The following SYK variants were observed in gnomAD, a reference collection of about 807,000 sequenced individuals.
SYK encodes the protein spleen associated tyrosine kinase, also known as tyrosine-protein kinase SYK.
Under a neutral mutation model 77.8 loss-of-function variants are expected in SYK, and 16 were observed. That is an observed-to-expected ratio of 0.21 (90% CI 0.14 to 0.31). SYK has a LOEUF of 0.31. Ranked by LOEUF, SYK falls within the 10% of genes least tolerant of loss-of-function variation. SYK has a pLI of 1.00. For synonymous variants in SYK, 312 were observed against 308.7 expected (o/e 1.01, Z -0.11); for missense variants, 529 against 814.4 (o/e 0.65, Z 4.26).
At chr9:90,861,143 G>T (rs555276302) in intron 3 of SYK, among the ~76,000 whole-genome samples, 1 of 152,124 alleles carries the variant, frequency 6.6e-6, no homozygotes, top group Non-Finnish European at 1.5e-5. Context: ...CACCCATTTC[G>T]TGCCTTTTCA....
chr9:90,844,394 A>C (rs2278275), intron 2 of SYK, 79 bp downstream of exon 2: 3 of 1,405,898 alleles, frequency 2.1e-6, no homozygotes, highest in Non-Finnish European at 2.8e-6. Context: ...CATGCAACAC[A>C]TGTGCCTATG....
At chr9:90,805,223 AC>A (rs1201333088) in intron 1 of SYK, among the ~76,000 whole-genome samples, 1 of 152,222 alleles carries the variant, frequency 6.6e-6, no homozygotes, top group Non-Finnish European at 1.5e-5. Context: ...GTTGATGATT[AC>A]TGGATTACTG....
intron 1 of SYK, among the ~76,000 whole-genome samples, chr9:90,823,657 CAAG>C (rs1314856256): frequency 1.1e-4 from 16 of 151,922 alleles, no homozygotes; most frequent in African/African-American, 3.9e-4. Context: ...CCTATGTTTC[CAAG>C]AAGAAGTCTC....
chr9:90,888,729 AG>A, intron 13 of SYK, 102 bp downstream of exon 13: 4 of 913,996 alleles, frequency 4.4e-6, no homozygotes, highest in Non-Finnish European at 6.3e-6. Context: ...TTCATGAATC[AG>A]GAATGTGCCC....
intron 10 of SYK, among the ~76,000 whole-genome samples, chr9:90,878,264 T>G (rs1300072520): frequency 6.6e-6 from 1 of 152,218 alleles, no homozygotes; most frequent in East Asian, 1.9e-4. Context: ...TGTGTTCTTC[T>G]CATCTAAAGC....
Position 90,874,774 on chromosome 9 carries a change from T to G in SYK, c.1106T>G (p.Leu369Arg), listed in dbSNP as rs1432606619. ...RPKEVYLDRK[L>R]LTLEDKELGS... ...AAGGAGGTTTACCTGGACCGAAAGC[T>G]GCTGACGCTGGAAGACAAAGAACTG... Residue 369 changes from leucine to arginine, a missense_variant, in exon 9 of 14, where the codon CTG (leucine) becomes CGG (arginine). Physicochemically the swap from Leu to Arg is moderately radical, Grantham distance 102. Transcript: ENST00000375754. 1.2e-6 allele frequency: 2 copies of G among 1,613,990 alleles called. No homozygotes were observed. Among genetic ancestry groups the G allele is most frequent in the Admixed American group, 3.3e-5 (2 of 59,996 alleles).
At chr9:90,840,517 G>A (rs1033803296) in intron 1 of SYK, among the ~76,000 whole-genome samples, 1 of 141,782 alleles carries the variant, frequency 7.1e-6, no homozygotes, top group Non-Finnish European at 1.5e-5. Flanking sequence ...AGGAGATCGC[G>A]ACCATCCTGG....
chr9:90,825,812 G>T (rs780690536), intron 1 of SYK, among the ~76,000 whole-genome samples: 1 of 152,222 alleles, frequency 6.6e-6, no homozygotes, highest in Non-Finnish European at 1.5e-5. Context: ...AGGCTGAGAC[G>T]TGAGATGGGA....
chr9:90,853,649 C>T (rs929540379), intron 3 of SYK, among the ~76,000 whole-genome samples: 6 of 152,066 alleles, frequency 3.9e-5, no homozygotes, highest in African/African-American at 1.4e-4. Flanking sequence ...CATGTTCTCA[C>T]TCATAGGTGG....
chr9:90,893,437 C>T (rs1162176824), intron 13 of SYK, among the ~76,000 whole-genome samples: 1 of 152,020 alleles, frequency 6.6e-6, no homozygotes, highest in Non-Finnish European at 1.5e-5. Context: ...TAAACAGCCA[C>T]TCTCTCCAAG....
At chr9:90,819,683 C>T (rs940659001) in intron 1 of SYK, among the ~76,000 whole-genome samples, 1 of 152,066 alleles carries the variant, frequency 6.6e-6, no homozygotes, top group Non-Finnish European at 1.5e-5. Flanking sequence ...CTGGGAGGTA[C>T]AATTCAAGTT....
chr9:90,847,777 A>C (rs1826653844), intron 3 of SYK, among the ~76,000 whole-genome samples: 1 of 152,212 alleles, frequency 6.6e-6, no homozygotes, highest in South Asian at 2.1e-4. Flanking sequence ...TTGAGGATTC[A>C]ATGAAAATAC....
At chr9:90,840,351 A>G (rs2118585201) in intron 1 of SYK, among the ~76,000 whole-genome samples, 1 of 152,154 alleles carries the variant, frequency 6.6e-6, no homozygotes, top group East Asian at 1.9e-4. Flanking sequence ...AGGGGAAACA[A>G]TGGAAATGAG....
chr9:90,884,022 A>G (rs1266061547), intron 11 of SYK, among the ~76,000 whole-genome samples: 1 of 152,024 alleles, frequency 6.6e-6, no homozygotes, highest in Non-Finnish European at 1.5e-5. Context: ...ACTAATAACC[A>G]TACCCTAAGG....
intron 13 of SYK, among the ~76,000 whole-genome samples, 179 bp downstream of exon 13, chr9:90,888,806 CT>C (rs1337078956): frequency 2.0e-5 from 3 of 152,216 alleles, no homozygotes; most frequent in Non-Finnish European, 4.4e-5. Context: ...GGCCCATGCA[CT>C]TACATGTAGT....
At chr9:90,859,695 T>C (rs1331572076) in intron 3 of SYK, among the ~76,000 whole-genome samples, 1 of 152,180 alleles carries the variant, frequency 6.6e-6, no homozygotes, top group Non-Finnish European at 1.5e-5. Flanking sequence ...GGTGAGCCCA[T>C]TTATGCTCCC....
intron 9 of SYK, among the ~76,000 whole-genome samples, chr9:90,876,296 AAAAAAAAAAAGAAAG>A (rs201631230): frequency 0.13 from 19,547 of 151,272 alleles, 1,405 homozygotes; most frequent in East Asian, 0.3. Flanking sequence ...TCAAAAAAAA[AAAAAAAAAAAGAAAG>A]AAAGAAAAAA....
At chr9:90,845,676 G>C (rs544341580) in intron 3 of SYK, 82 bp downstream of exon 3, 336 of 1,524,054 alleles carry the variant, frequency 2.2e-4, no homozygotes, top group Non-Finnish European at 2.7e-4. Flanking sequence ...CTTGTGACTG[G>C]CCCCACATGA....
At chr9:90,816,746 T>A (rs1006269039) in intron 1 of SYK, among the ~76,000 whole-genome samples, 1 of 152,258 alleles carries the variant, frequency 6.6e-6, no homozygotes, top group African/African-American at 2.4e-5. Context: ...TCTGTTTCTA[T>A]GAGTTCAATC....
Sources: allele counts gnomAD v4.1 joint callset (sites outside exome capture counted in the v4.1 genomes callset), GRCh38; gene constraint gnomAD v4.1.1; transcripts MANE v1.5; gene names NCBI Gene and HGNC (gene_info 2026-07-23, HGNC 2026-07-21).